RILPL1: variants seen among roughly 807,000 people sequenced by gnomAD.
The protein encoded by RILPL1 is RILP-like protein 1.
In RILPL1, 33 loss-of-function variants were observed where a neutral mutation model predicts 50.3. The observed-to-expected ratio is 0.66, with a 90% CI of 0.50 to 0.88. The LOEUF is 0.88. Ranked by LOEUF, RILPL1 falls within the 40% of genes least tolerant of loss-of-function variation. RILPL1 has a pLI of 0.00. For synonymous variants in RILPL1, 205 were observed against 228.6 expected (o/e 0.90, Z 0.93); for missense variants, 418 against 542.5 (o/e 0.77, Z 2.28).
At chr12:123,513,096 ATGTC>A (rs1208389071) in intron 2 of RILPL1, among the ~76,000 whole-genome samples, 7 of 88,268 alleles carry the variant, frequency 7.9e-5, no homozygotes, top group Admixed American at 5.0e-4. Context: ...GAGTGCGTGT[ATGTC>A]TGTGTGGTGG....
In RILPL1 at chr12:123,503,448, G is replaced by A. The variant is rs139762907; in HGVS notation, c.461-3912C>T. Among the ~76,000 whole-genome samples the A allele has an allele frequency of 2.5e-3, 377 of 151,794 alleles. 1 individual carries two copies. Among genetic ancestry groups the A allele is most frequent in the African/African-American group, 8.8e-3 (365 of 41,442 alleles). On this transcript the variant is annotated intron_variant, in intron 2 of 6. Coordinates refer to ENST00000376874, the MANE Select transcript of RILPL1 (RefSeq NM_178314.5). ...ACTCCTGACCTCAAGCGATCCACTC[G>A]CCTCAGCCTCCCAAAGCAATGGGAT...
At chr12:123,497,996 C>A (rs1053925191) in intron 4 of RILPL1, among the ~76,000 whole-genome samples, 4 of 152,180 alleles carry the variant, frequency 2.6e-5, no homozygotes, top group Non-Finnish European at 2.9e-5. Context: ...ACTGTAAGCT[C>A]CATGTGGACA....
chr12:123,472,515 T>G lies in RILPL1; in HGVS notation c.*23A>C, dbSNP rs1481867106. On this transcript the variant is annotated 3_prime_UTR_variant, in exon 7 of 7. Transcript: ENST00000376874. The stretch of plus-strand genomic sequence containing the variant: ...GGCGCTGGTGGCGGGCAGTCCAGGT[T>G]GGAGGGTGGAGATGGGCCAAGGTCA... The G allele has an allele frequency of 7.7e-6, 12 of 1,549,886 alleles. No homozygotes were observed. Among genetic ancestry groups the G allele is most frequent in the Non-Finnish European group, 1.0e-5 (12 of 1,146,864 alleles).
intron 6 of RILPL1, chr12:123,472,999 G>A: frequency 3.8e-6 from 1 of 264,724 alleles, no homozygotes; most frequent in Non-Finnish European, 7.4e-6. Flanking sequence ...AAAAGCTGCT[G>A]AAACAAATCT....
intron 5 of RILPL1, 31 bp from the exon 6 acceptor site, chr12:123,484,303 G>C (rs1882188860): frequency 6.4e-6 from 9 of 1,410,066 alleles, no homozygotes; most frequent in Non-Finnish European, 9.0e-6. Context: ...TGAGATAAAA[G>C]AGTCAAAAGT....
Position 123,485,455 on chromosome 12 carries a change from C to G in RILPL1, c.974+178G>C, listed in dbSNP as rs893642898. The stretch of plus-strand genomic sequence containing the variant: ...TGAGCTCTGGTGCCCGGCCTGGGCC[C>G]AAGAGTTTCAGAAAGGGGTTGTGAG... On this transcript the variant is annotated intron_variant, in intron 5 of 6. Coordinates refer to ENST00000376874, the MANE Select transcript of RILPL1 (RefSeq NM_178314.5). This position sits in a 1 kb window ranked among gnomAD's most constrained non-coding sequence, Gnocchi z 4.0. 1.3e-5 allele frequency among the ~76,000 whole-genome samples: 2 copies of G among 152,068 alleles called. No individual in the cohort carries two copies. Among genetic ancestry groups the G allele is most frequent in the African/African-American group, 4.8e-5 (2 of 41,394 alleles).
intron 4 of RILPL1, among the ~76,000 whole-genome samples, chr12:123,496,120 C>G (rs1883018862): frequency 6.6e-6 from 1 of 152,014 alleles, no homozygotes; most frequent in African/African-American, 2.4e-5. Flanking sequence ...TCAAGCAATT[C>G]TCCTGTCCCA....
rs1308657668 is a variant in RILPL1, at chr12:123,476,023, C to A, written c.1068-3341G>T. Reference sequence around the variant, plus strand: ...GGTTCAAGCGATTCTCCTGCCTTAGCCTCCTGAGTGGCTAGGGATTATAGG... The same window carrying A: ...GGTTCAAGCGATTCTCCTGCCTTAGACTCCTGAGTGGCTAGGGATTATAGG... On this transcript the variant is annotated intron_variant, in intron 6 of 6. Transcript: ENST00000376874. 6.6e-5 allele frequency: 24 copies of A among 363,284 alleles called. No homozygotes were observed. The Admixed American group carries it at 9.2e-4, about 14-fold the overall frequency. The allele number at this position is 363,284 out of a possible 1,614,324, so 22.5% of individuals were successfully genotyped here.
At chr12:123,473,646 T>C (rs184170584) in intron 6 of RILPL1, 1 of 152,256 alleles carries the variant, frequency 6.6e-6, no homozygotes, top group East Asian at 1.9e-4. Flanking sequence ...CGTATCACTG[T>C]AACCAGCTAC....
intron 4 of RILPL1, among the ~76,000 whole-genome samples, chr12:123,493,015 C>G (rs1006144225): frequency 2.0e-5 from 3 of 151,932 alleles, no homozygotes; most frequent in Non-Finnish European, 4.4e-5. Flanking sequence ...TCCCCCAGCC[C>G]GACACCTGTA....
In RILPL1 at chr12:123,470,438, A is replaced by T. The variant is rs2139295913; in HGVS notation, c.*2100T>A. The T allele has an allele frequency of 7.6e-6, 1 of 131,398 alleles. No homozygotes were observed. 8.1% of individuals were successfully genotyped at this position (131,398 alleles called of 1,614,324 possible). A position where few individuals can be genotyped will look rare whatever the true frequency, so the allele number is the denominator to read the frequency against. The stretch of plus-strand genomic sequence containing the variant: ...CAATGAGCTATGATAGTGCCACTGT[A>T]CTCCAGCCTAGGTGACAGAGTGAGA... On this transcript the variant is annotated 3_prime_UTR_variant, in exon 7 of 7. Transcript: ENST00000376874.
At position 123,499,318 on chromosome 12, in the gene RILPL1, A is replaced by G. The variant is rs1883220946; in HGVS notation, c.579+100T>C. The stretch of plus-strand genomic sequence containing the variant: ...CACACCCCACGGAGCCCCAAGAATG[A>G]GAGTGAGGGAGAGAAGGGGCCTGCT... On this transcript the variant is annotated intron_variant, in intron 3 of 6. Transcript: ENST00000376874. The G allele has an allele frequency of 6.4e-6, 5 of 778,314 alleles. No homozygotes were observed. In the Admixed American group the frequency reaches 8.4e-5, roughly 13 times the overall value. 48.2% of individuals were successfully genotyped at this position (778,314 alleles called of 1,614,324 possible).
At chr12:123,512,099 CTGTGTGTGGTGTGTGAGGTT>C (rs1884332865) in intron 2 of RILPL1, among the ~76,000 whole-genome samples, 1 of 41,876 alleles carries the variant, frequency 2.4e-5, no homozygotes, top group Non-Finnish European at 4.6e-5. Flanking sequence ...TGTGTGAGGT[CTGTGTGTGGTGTGTGAGGTT>C]TGTGTGTGTG....
intron 1 of RILPL1, among the ~76,000 whole-genome samples, chr12:123,526,614 G>A (rs1297798454): frequency 6.6e-6 from 1 of 152,242 alleles, no homozygotes; most frequent in Non-Finnish European, 1.5e-5. Context: ...CAAGCGGCCA[G>A]GTGGCCGGAT....
Position 123,498,457 on chromosome 12 carries a change from TG to T in RILPL1, c.801+86del. ...AGGTTGGCCATTTTCTGAAGTATAA[TG>T]GGGAAAACAAGGCAACCCTGCCTGC... On this transcript the variant is annotated intron_variant, in intron 4 of 6. Coordinates refer to ENST00000376874, the MANE Select transcript of RILPL1 (RefSeq NM_178314.5). This position sits in a 1 kb window ranked among gnomAD's most constrained non-coding sequence, Gnocchi z 4.3. 1 of 1,207,144 alleles carries T rather than the reference TG, an allele frequency of 8.3e-7. No homozygotes were observed. Among genetic ancestry groups the T allele is most frequent in the Non-Finnish European group, 1.2e-6 (1 of 833,202 alleles). The allele number at this position is 1,207,144 out of a possible 1,614,324, so 74.8% of individuals were successfully genotyped here. A position where few individuals can be genotyped will look rare whatever the true frequency, so the allele number is the denominator to read the frequency against.
intron 2 of RILPL1, among the ~76,000 whole-genome samples, chr12:123,511,629 G>GTCAA (rs1884226707): frequency 7.0e-6 from 1 of 143,378 alleles, no homozygotes; most frequent in African/African-American, 2.6e-5. Flanking sequence ...TGTGTGTGGT[G>GTCAA]TGTGAGGTCT....
At chr12:123,528,733 G>C (rs1008346427) in intron 1 of RILPL1, among the ~76,000 whole-genome samples, 1 of 152,072 alleles carries the variant, frequency 6.6e-6, no homozygotes, top group Non-Finnish European at 1.5e-5. Flanking sequence ...ACCAGTTTGT[G>C]TTGATTTGTT....
intron 2 of RILPL1, among the ~76,000 whole-genome samples, chr12:123,501,588 C>T (rs566005326): frequency 2.2e-4 from 34 of 151,910 alleles, no homozygotes; most frequent in African/African-American, 8.2e-4. Flanking sequence ...TGTGAAACCC[C>T]GTCTCTACTA....
At position 123,498,573 on chromosome 12, in the gene RILPL1, G is replaced by A; in HGVS notation, c.772C>T (p.His258Tyr). The A allele has an allele frequency of 6.2e-7, 1 of 1,613,488 alleles. No homozygotes were observed. Among genetic ancestry groups the A allele is most frequent in the Non-Finnish European group, 8.5e-7 (1 of 1,179,868 alleles). ...GGCTCCTCCTCCCCATTCTGGCTGT[G>A]CTCCCCCTGCAGCCTCTCTCGCAAC... is the stretch of plus-strand genomic sequence containing the variant. Reference protein sequence around the residue: ...GKLRERLQGEHSQNGEEEPET... With the variant: ...GKLRERLQGEYSQNGEEEPET... Residue 258 changes from histidine to tyrosine, a missense_variant, in exon 4 of 7, where the codon CAC (histidine) becomes TAC (tyrosine). Physicochemically the swap from His to Tyr is moderately conservative, Grantham distance 83. Coordinates refer to ENST00000376874, the MANE Select transcript of RILPL1 (RefSeq NM_178314.5). The surrounding 1 kb of genome is among the most constrained non-coding windows in gnomAD (Gnocchi z 4.3).
Sources: gnomAD v4.1 joint callset for allele counts (sites outside exome capture counted in the v4.1 genomes callset) on GRCh38, gnomAD v4.1.1 for gene constraint, Gnocchi (gnomAD v3.1) non-coding constraint, MANE v1.5 for transcripts, NCBI Gene and HGNC (gene_info 2026-07-23, HGNC 2026-07-21) for gene names.